NUP188: variants seen among roughly 807,000 people sequenced by gnomAD.
NUP188 encodes nucleoporin NUP188.
NUP188 carries 97 observed loss-of-function variants against 223.0 expected under a neutral mutation model. That is an observed-to-expected ratio of 0.43 (90% confidence interval 0.37 to 0.51). The LOEUF is 0.51. Ranked by LOEUF, NUP188 falls within the 20% of genes least tolerant of loss-of-function variation. The pLI, the probability that NUP188 is intolerant of heterozygous loss-of-function variation, is 0.00. For synonymous variants in NUP188, 869 were observed against 828.0 expected, an observed-to-expected ratio of 1.05 and a Z score of -0.85; for missense variants, 1,947 against 2,175.6, an observed-to-expected ratio of 0.89 and a Z score of 2.09.
At chr9:128,983,670 G>A in intron 19 of NUP188, 120 bp downstream of exon 19, 1 of 745,758 alleles carries the variant, frequency 1.3e-6, no homozygotes, top group Non-Finnish European at 2.2e-6. Context: ...TTTTGAGATG[G>A]AGTCTCACTC....
Position 128,997,354 on chromosome 9 carries a change from C to T in NUP188, c.3352-797C>T, listed in dbSNP as rs1483772946. Among the ~76,000 whole-genome samples, 7 of 152,150 alleles carry T rather than the reference C, an allele frequency of 4.6e-5. No individual in the cohort carries two copies. The South Asian group carries it at 6.2e-4, about 14-fold the overall frequency. On this transcript the variant is annotated intron_variant, in intron 30 of 43. Coordinates refer to ENST00000372577, the MANE Select transcript of NUP188 (RefSeq NM_015354.3). Reference sequence around the variant, plus strand: ...GGACCATGTTGAAGAGCTTGGTTTGCGTTTCCCGGGCACTGGGAAGCCTTT... The same window carrying T: ...GGACCATGTTGAAGAGCTTGGTTTGTGTTTCCCGGGCACTGGGAAGCCTTT...
At chr9:128,961,899 C>T (rs1313242467) in intron 8 of NUP188, among the ~76,000 whole-genome samples, 1 of 147,040 alleles carries the variant, frequency 6.8e-6, no homozygotes, top group Non-Finnish European at 1.5e-5. Context: ...GGATTACAGG[C>T]GTGAGCCAGC....
intron 20 of NUP188, among the ~76,000 whole-genome samples, chr9:128,986,166 A>G (rs570528576): frequency 2.6e-5 from 4 of 152,304 alleles, no homozygotes; most frequent in Non-Finnish European, 5.9e-5. Flanking sequence ...AGATTTTTGC[A>G]TATCAGATCT....
chr9:128,992,482 AC>A (rs1842449867), intron 25 of NUP188, among the ~76,000 whole-genome samples: 1 of 152,254 alleles, frequency 6.6e-6, no homozygotes, highest in Non-Finnish European at 1.5e-5. Flanking sequence ...GGCGTGAGCC[AC>A]TGTGCCTGGC....
At chr9:128,981,928 T>C (rs991127177) in intron 15 of NUP188, among the ~76,000 whole-genome samples, 2 of 151,630 alleles carry the variant, frequency 1.3e-5, no homozygotes, top group Non-Finnish European at 2.9e-5. Flanking sequence ...AAATATAAAA[T>C]TAGTCGGGCG....
intron 33 of NUP188, 66 bp downstream of exon 33, chr9:128,999,383 G>T (rs772451921): frequency 1.9e-6 from 3 of 1,566,914 alleles, no homozygotes; most frequent in African/African-American, 1.3e-5. Flanking sequence ...GCCAGGCAGG[G>T]CTTCCTTCAG....
At chr9:128,963,581 G>C (rs975662760) in intron 8 of NUP188, among the ~76,000 whole-genome samples, 5 of 152,034 alleles carry the variant, frequency 3.3e-5, no homozygotes, top group Non-Finnish European at 7.4e-5. Flanking sequence ...CACCAGAAAT[G>C]TATGAGAATT....
intron 8 of NUP188, among the ~76,000 whole-genome samples, chr9:128,966,539 T>C (rs1398059806): frequency 6.6e-6 from 1 of 152,074 alleles, no homozygotes; most frequent in Non-Finnish European, 1.5e-5. Flanking sequence ...GGTTTTGCCA[T>C]GTTGCCCAGG....
intron 12 of NUP188, among the ~76,000 whole-genome samples, chr9:128,974,773 CTT>C (rs766492542): frequency 4.0e-4 from 56 of 141,308 alleles, no homozygotes; most frequent in Admixed American, 6.4e-4. Flanking sequence ...AACATTGTCT[CTT>C]TTTTTTTTTT....
intron 1 of NUP188, chr9:128,948,384 A>G (rs547887749): frequency 6.6e-6 from 1 of 152,326 alleles, no homozygotes; most frequent in South Asian, 2.1e-4. Flanking sequence ...ATGAAATATT[A>G]TATACGAAAA....
chr9:128,951,219 A>T (rs1841779534), intron 2 of NUP188, among the ~76,000 whole-genome samples: 1 of 150,348 alleles, frequency 6.7e-6, no homozygotes, highest in South Asian at 2.1e-4. Context: ...GAGGCAGGAG[A>T]TTCGCTTGAA....
At chr9:128,984,289 G>A (rs1048926257) in intron 19 of NUP188, among the ~76,000 whole-genome samples, 3 of 151,766 alleles carry the variant, frequency 2.0e-5, no homozygotes, top group African/African-American at 4.8e-5. Flanking sequence ...ACCACGCCCC[G>A]GTAATTTTGC....
At chr9:128,994,679 G>T (rs1248883798) in intron 28 of NUP188, among the ~76,000 whole-genome samples, 177 bp from the exon 29 acceptor site, 1 of 152,224 alleles carries the variant, frequency 6.6e-6, no homozygotes, top group African/African-American at 2.4e-5. Flanking sequence ...TCTCCATTCA[G>T]TTGGAGACGT....
rs1345508143 is a variant in NUP188, at chr9:128,949,820, G to C, written c.87+577G>C. Reference sequence around the variant, plus strand: ...ATTTTTGTATTTTTAGTGGAGACAGGGTTTCACCATGTTGGCCAGGCTGGT... The same window carrying C: ...ATTTTTGTATTTTTAGTGGAGACAGCGTTTCACCATGTTGGCCAGGCTGGT... On this transcript the variant is annotated intron_variant, in intron 2 of 43. Coordinates refer to ENST00000372577, the MANE Select transcript of NUP188 (RefSeq NM_015354.3). 3.3e-5 allele frequency among the ~76,000 whole-genome samples: 5 copies of C among 151,846 alleles called. No homozygotes were observed. The East Asian group carries it at 9.6e-4, about 29-fold the overall frequency.
chr9:129,006,080 G>A lies in NUP188; in HGVS notation c.4900G>A (p.Ala1634Thr). ...CAAGAAAAAGGAGCCCCTCACCCAG[G>A]CAGTGGGGCTCAGCACACAGGCAGA... ...LDKKKEPLTQ[A>T]VGLSTQAEGT... is the part of the protein sequence containing the mutation. The change falls in exon 42 of 44, where the codon GCA becomes ACA. Residue 1634 changes from alanine (A) to threonine (T), a missense_variant. Ala to Thr is a moderately conservative substitution (Grantham distance 58). Around this residue, in one of 3 missense-constraint regions of NUP188, gnomAD observed 905 missense variants for 990.6 expected, o/e 0.91. Coordinates refer to ENST00000372577, the MANE Select transcript of NUP188 (RefSeq NM_015354.3). The A allele has an allele frequency of 6.8e-6, 11 of 1,614,136 alleles. No homozygotes were observed. The highest frequency in any genetic ancestry group is 9.3e-6 in the Non-Finnish European group (11 of 1,180,014).
At position 128,980,480 on chromosome 9, in the gene NUP188, A is replaced by C. The variant is rs1842239053; in HGVS notation, c.1270-126A>C. 7 of 898,754 alleles carry C rather than the reference A, an allele frequency of 7.8e-6. No individual in the cohort carries two copies. In the South Asian group the frequency reaches 1.4e-4, roughly 18 times the overall value. 55.7% of individuals were successfully genotyped at this position (898,754 alleles called of 1,614,324 possible). A position where few individuals can be genotyped will look rare whatever the true frequency, so the allele number is the denominator to read the frequency against. ...GAAATATGAAAGTCTTAAATTATTA[A>C]GGAGGGATGATATCTGTCTAAAAGG... On this transcript the variant is annotated intron_variant, in intron 13 of 43. Transcript: ENST00000372577.
rs760722194 is a variant in NUP188 at position 128,995,506 on chromosome 9, A to G, written c.3343A>G (p.Thr1115Ala). The change falls in exon 30 of 44, where the codon ACC (threonine) becomes GCC (alanine). Residue 1115 changes from threonine to alanine, a missense_variant. By Grantham distance (58) the Thr-to-Ala change is moderately conservative. Transcript: ENST00000372577. ...SAWRMLLIIATTHADIMHLTD... is the reference protein window; with the variant it reads ...SAWRMLLIIAATHADIMHLTD... Reference sequence around the variant, plus strand: ...CTGGAGGATGCTTCTCATCATTGCCACCACTCATGTAAGACCCTTTTGGGG... The same window carrying G: ...CTGGAGGATGCTTCTCATCATTGCCGCCACTCATGTAAGACCCTTTTGGGG... 1.9e-6 allele frequency: 3 copies of G among 1,593,150 alleles called. No individual in the cohort carries two copies. Among genetic ancestry groups the G allele is most frequent in the African/African-American group, 1.3e-5 (1 of 74,290 alleles).
intron 20 of NUP188, 104 bp from the exon 21 acceptor site, chr9:128,986,454 T>C: frequency 8.2e-7 from 1 of 1,222,322 alleles, no homozygotes; most frequent in Non-Finnish European, 1.1e-6. Flanking sequence ...AAGGTTTGCC[T>C]AGATTTCCTT....
At chr9:128,987,080 AGAGAGAGAGTGTGTGTGTGTGT>A (rs1241538069) in intron 22 of NUP188, among the ~76,000 whole-genome samples, 40 of 132,404 alleles carry the variant, frequency 3.0e-4, no homozygotes, top group African/African-American at 1.2e-3. Context: ...AGAGAGAGAG[AGAGAGAGAGTGTGTGTGTGTGT>A]GTGTGTGTGT....
Sources: gnomAD v4.1 joint callset for allele counts (sites outside exome capture counted in the v4.1 genomes callset) on GRCh38, gnomAD v4.1.1 for gene constraint, gnomAD v4.1.1 regional missense constraint, MANE v1.5 for transcripts, NCBI Gene and HGNC (gene_info 2026-07-23, HGNC 2026-07-21) for gene names.